ARHGAP18: variants seen among roughly 807,000 people sequenced by gnomAD.
ARHGAP18 encodes the protein Rho GTPase activating protein 18.
ARHGAP18 carries 67 observed loss-of-function variants against 86.2 expected under a neutral mutation model. That is an observed-to-expected ratio of 0.78 (90% confidence interval 0.64 to 0.95). ARHGAP18 has a LOEUF of 0.95. Among genes scored for constraint, ARHGAP18 ranks in the 40% least tolerant of loss-of-function variants. The probability of loss-of-function intolerance (pLI) is 0.00; values close to 1 mark genes in which losing one functional copy is unlikely to be tolerated. For synonymous variants in ARHGAP18, 283 were observed against 280.4 expected, an observed-to-expected ratio of 1.01 and a Z score of -0.09; for missense variants, 691 against 780.4, an observed-to-expected ratio of 0.89 and a Z score of 1.37.
At chr6:129,595,232 A>G (rs1788592655) in intron 12 of ARHGAP18, among the ~76,000 whole-genome samples, 1 of 152,182 alleles carries the variant, frequency 6.6e-6, no homozygotes, top group African/African-American at 2.4e-5. Flanking sequence ...GCACTACACC[A>G]TTCACTGACT....
At chr6:129,601,848 G>T (rs1166102532) in intron 10 of ARHGAP18, among the ~76,000 whole-genome samples, 1 of 151,962 alleles carries the variant, frequency 6.6e-6, no homozygotes, top group Non-Finnish European at 1.5e-5. Flanking sequence ...GGCTGGTCTT[G>T]AACTCTTGAG....
rs145285835 is a variant in ARHGAP18, at chr6:129,619,051, T to A, written c.787-199A>T. ...AGCTGTGGAGGGTTCGGGAGTCAAC[T>A]TCCAAAGTCTGACAGACAACGGGAA... is the stretch of plus-strand genomic sequence containing the variant. On this transcript the variant is annotated intron_variant, in intron 5 of 14. Transcript: ENST00000368149. Among the ~76,000 whole-genome samples the A allele has an allele frequency of 3.5e-3, 527 of 151,008 alleles. 4 individuals carry two copies. Among genetic ancestry groups the A allele is most frequent in the Middle Eastern group, 0.027 (8 of 292 alleles).
intron 10 of ARHGAP18, among the ~76,000 whole-genome samples, 164 bp from the exon 11 acceptor site, chr6:129,601,012 T>C (rs957226555): frequency 1.3e-5 from 2 of 152,156 alleles, no homozygotes; most frequent in East Asian, 3.8e-4. Context: ...CTCCATTTGG[T>C]TGATGCTCCC....
At chr6:129,629,825 A>C (rs1021644027) in intron 4 of ARHGAP18, among the ~76,000 whole-genome samples, 7 of 152,168 alleles carry the variant, frequency 4.6e-5, no homozygotes, top group African/African-American at 1.7e-4. Flanking sequence ...TTAATAAAAA[A>C]CCTCAAAAGG....
At chr6:129,701,628 G>A (rs1346856940) in intron 1 of ARHGAP18, among the ~76,000 whole-genome samples, 1 of 152,154 alleles carries the variant, frequency 6.6e-6, no homozygotes, top group African/African-American at 2.4e-5. Context: ...AAATTAGCCA[G>A]GCGTAGTGGC....
In ARHGAP18 at chr6:129,628,665, G is replaced by A. The variant is rs1773097537; in HGVS notation, c.786+688C>T. Among the ~76,000 whole-genome samples the A allele has an allele frequency of 2.0e-5, 3 of 152,262 alleles. No individual in the cohort carries two copies. In the South Asian group the frequency reaches 6.2e-4, roughly 32 times the overall value. ...CCATGCAGTAAATGTGGCTAAAAAT[G>A]TATAACTTGAATCCAGTCCTGAGGA... On this transcript the variant is annotated intron_variant, in intron 5 of 14. Transcript: ENST00000368149.
intron 9 of ARHGAP18, among the ~76,000 whole-genome samples, chr6:129,606,333 G>A (rs1404281833): frequency 6.6e-6 from 1 of 152,184 alleles, no homozygotes; most frequent in Admixed American, 6.5e-5. Context: ...CGTAACAGTG[G>A]TTTGTTTCTT....
rs775206454 is a variant in ARHGAP18, at chr6:129,600,591, T to G, written c.1572+51A>C. 4.9e-6 allele frequency: 7 copies of G among 1,416,874 alleles called. 1 individual carries two copies. In the South Asian group the frequency reaches 9.2e-5, roughly 19 times the overall value. The allele number at this position is 1,416,874 out of a possible 1,614,324, so 87.8% of individuals were successfully genotyped here. ...AAATTAATAAAGCTAATAACAAACA[T>G]GCAATTTGTTTTTTAAACTACTAAG... On this transcript the variant is annotated intron_variant, in intron 11 of 14. Transcript: ENST00000368149.
intron 12 of ARHGAP18, among the ~76,000 whole-genome samples, chr6:129,589,567 A>C (rs989379396): frequency 6.6e-6 from 1 of 152,152 alleles, no homozygotes; most frequent in East Asian, 1.9e-4. Context: ...CCAAGTCTCT[A>C]GTTCCAAACT....
chr6:129,609,219 G>T (rs1024526297), intron 8 of ARHGAP18, among the ~76,000 whole-genome samples: 1 of 152,056 alleles, frequency 6.6e-6, no homozygotes, highest in African/African-American at 2.4e-5. Flanking sequence ...GAGAAATTTG[G>T]TGGGGCCAGG....
At chr6:129,683,527 G>A (rs1774364779) in intron 1 of ARHGAP18, among the ~76,000 whole-genome samples, 1 of 152,016 alleles carries the variant, frequency 6.6e-6, no homozygotes. Context: ...TTAATAATTT[G>A]TGATCAAATT....
At chr6:129,663,980 T>TTC (rs1284645947) in intron 1 of ARHGAP18, among the ~76,000 whole-genome samples, 2 of 152,230 alleles carry the variant, frequency 1.3e-5, no homozygotes, top group Middle Eastern at 3.2e-3. Flanking sequence ...TGTAACATGT[T>TTC]TCTCTGAGCA....
rs199525893 is a variant in ARHGAP18 at position 129,629,451 on chromosome 6, T to C, written c.688A>G (p.Ile230Val). ...PEETPAPETD[I>V]NLEVSFAEQA... ...TCGGCAAATGATACCTCCAGGTTGA[T>C]GTCTGTTTCAGGGGCAGGCGTCTCC... Residue 230 changes from isoleucine to valine, a missense_variant, in exon 5 of 15, where the codon ATC becomes GTC. Transcript: ENST00000368149. 7.4e-6 allele frequency: 12 copies of C among 1,613,986 alleles called. No individual in the cohort carries two copies. The South Asian group carries it at 1.3e-4, about 18-fold the overall frequency.
At chr6:129,669,294 C>T (rs1382679825) in intron 1 of ARHGAP18, among the ~76,000 whole-genome samples, 1 of 152,024 alleles carries the variant, frequency 6.6e-6, no homozygotes, top group African/African-American at 2.4e-5. Context: ...GCCTCAGCCT[C>T]CCGAGTAGCT....
intron 1 of ARHGAP18, among the ~76,000 whole-genome samples, chr6:129,667,633 A>G (rs1264573561): frequency 1.3e-5 from 2 of 151,860 alleles, no homozygotes; most frequent in Admixed American, 6.6e-5. Flanking sequence ...ATTGAGATCC[A>G]AAGTGTCTAG....
intron 12 of ARHGAP18, among the ~76,000 whole-genome samples, chr6:129,588,593 C>T (rs1475191714): frequency 6.6e-6 from 1 of 152,206 alleles, no homozygotes. Flanking sequence ...TGCAGCCTTT[C>T]CAGGCACATA....
At position 129,576,500 on chromosome 6, in the gene ARHGAP18, T is replaced by C. The variant is rs1392624518; in HGVS notation, c.*2013A>G. 1 of 152,228 alleles carries C rather than the reference T, an allele frequency of 6.6e-6. No individual in the cohort carries two copies. The highest frequency in any genetic ancestry group is 1.5e-5 in the Non-Finnish European group (1 of 68,036). The allele number at this position is 152,228 out of a possible 1,614,324, so 9.4% of individuals were successfully genotyped here. On this transcript the variant is annotated 3_prime_UTR_variant, in exon 15 of 15. Coordinates refer to ENST00000368149, the MANE Select transcript of ARHGAP18 (RefSeq NM_033515.3). ...TTTTTTAAAGTCCATATTTTTTTGT[T>C]ATTTAAACGTGATATTATTCAACAT...
rs1788187709 is a variant in ARHGAP18, at chr6:129,576,871, A to T, written c.*1642T>A. Reference sequence around the variant, plus strand: ...ACATATTGTCAAAGAAACAGACTAAACTGTATTTTGAAAATCCTGAAGAAT... The same window carrying T: ...ACATATTGTCAAAGAAACAGACTAATCTGTATTTTGAAAATCCTGAAGAAT... On this transcript the variant is annotated 3_prime_UTR_variant, in exon 15 of 15. Transcript: ENST00000368149. 1 of 152,160 alleles carries T rather than the reference A, an allele frequency of 6.6e-6. No homozygotes were observed. The highest frequency in any genetic ancestry group is 2.1e-4 in the South Asian group (1 of 4,832). 9.4% of individuals were successfully genotyped at this position (152,160 alleles called of 1,614,324 possible). A position where few individuals can be genotyped will look rare whatever the true frequency, so the allele number is the denominator to read the frequency against.
chr6:129,638,399 CT>C lies in ARHGAP18; in HGVS notation c.546del (p.Glu183LysfsTer35). Reference protein sequence around the residue: ...RDIFAQQRESKETAPGGTESQ... With the variant: ...RDIFAQQRESXETAPGGTESQ... The stretch of plus-strand genomic sequence containing the variant: ...CATCAAAAAAGAAAACCTACTGTTT[CT>C]TTTGATTCTCTCTGTTGAGCAAATA... On this transcript the variant is annotated frameshift_variant, in exon 3 of 15. Transcript: ENST00000368149. LOFTEE classifies it high-confidence loss of function. The C allele has an allele frequency of 1.2e-6, 2 of 1,613,194 alleles. No individual in the cohort carries two copies. Among genetic ancestry groups the C allele is most frequent in the Non-Finnish European group, 1.7e-6 (2 of 1,179,700 alleles).
Sources: gnomAD v4.1 joint callset for allele counts (sites outside exome capture counted in the v4.1 genomes callset) on GRCh38, gnomAD v4.1.1 for gene constraint, MANE v1.5 for transcripts, NCBI Gene and HGNC (gene_info 2026-07-23, HGNC 2026-07-21) for gene names.